METTL15: variants seen among roughly 807,000 people sequenced by gnomAD.
The protein encoded by METTL15 is methyltransferase 15, mitochondrial 12S rRNA N4-cytidine.
In METTL15, 34 loss-of-function variants were observed where a neutral mutation model predicts 38.3. The observed-to-expected ratio is 0.89, with a 90% CI of 0.68 to 1.18. The LOEUF (loss-of-function observed/expected upper bound fraction) is 1.18, where lower values mean the gene tolerates loss of function less well. Ranked by LOEUF, METTL15 falls within the 50% of genes most tolerant of loss-of-function variation. METTL15 has a pLI of 0.00. For missense variants in METTL15, 438 were observed against 498.4 expected (o/e 0.88, Z 1.15); for synonymous variants, 162 against 170.9 (o/e 0.95, Z 0.41).
chr11:28,466,516 G>A (rs1447267554), intron 6 of METTL15, among the ~76,000 whole-genome samples: 1 of 152,180 alleles, frequency 6.6e-6, no homozygotes, highest in Non-Finnish European at 1.5e-5. Flanking sequence ...CACAAGATGT[G>A]TGGGAAGTGT....
chr11:28,416,891 T>C (rs778742145), intron 5 of METTL15, among the ~76,000 whole-genome samples: 2 of 152,196 alleles, frequency 1.3e-5, no homozygotes, highest in Non-Finnish European at 2.9e-5. Flanking sequence ...GGAAGACAAA[T>C]TAGATGTAGA....
chr11:28,113,225 GT>G (rs1851789102), intron 2 of METTL15, 92 bp from the exon 3 acceptor site: 1 of 822,354 alleles, frequency 1.2e-6, no homozygotes, highest in Non-Finnish European at 1.9e-6. Context: ...TTTTTTTGAT[GT>G]GCTAAATATT....
At chr11:28,474,021 T>C (rs1030630301) in intron 6 of METTL15, among the ~76,000 whole-genome samples, 1 of 152,038 alleles carries the variant, frequency 6.6e-6, no homozygotes, top group African/African-American at 2.4e-5. Context: ...ATGTCAGTTG[T>C]TTCCCTATCT....
intron 4 of METTL15, among the ~76,000 whole-genome samples, chr11:28,268,196 CAAAAAAAAAA>C (rs71050954): frequency 9.3e-5 from 6 of 64,174 alleles, no homozygotes; most frequent in African/African-American, 3.6e-4. Flanking sequence ...GACTCCGTCT[CAAAAAAAAAA>C]AAAAAAAAAA....
At chr11:28,176,332 T>A (rs1398047669) in intron 3 of METTL15, among the ~76,000 whole-genome samples, 1 of 152,122 alleles carries the variant, frequency 6.6e-6, no homozygotes, top group Non-Finnish European at 1.5e-5. Context: ...ATTTGTATTT[T>A]GTCATATTTA....
At chr11:28,443,458 C>T (rs1564932899) in intron 6 of METTL15, among the ~76,000 whole-genome samples, 1 of 152,102 alleles carries the variant, frequency 6.6e-6, no homozygotes, top group Admixed American at 6.6e-5. Flanking sequence ...AGTGCCATCT[C>T]CAAGTAGACA....
chr11:28,243,342 A>G (rs1854380707), intron 4 of METTL15, among the ~76,000 whole-genome samples: 2 of 152,200 alleles, frequency 1.3e-5, no homozygotes, highest in South Asian at 4.1e-4. Context: ...TAGCAATAGA[A>G]GTTCATGCAG....
intron 6 of METTL15, among the ~76,000 whole-genome samples, chr11:28,444,048 A>C (rs755054686): frequency 1.3e-5 from 2 of 152,186 alleles, no homozygotes; most frequent in Non-Finnish European, 2.9e-5. Flanking sequence ...ATAATTTTCA[A>C]TGGCTCAATT....
At chr11:28,202,076 A>G (rs1276814163) in intron 3 of METTL15, among the ~76,000 whole-genome samples, 1 of 152,162 alleles carries the variant, frequency 6.6e-6, no homozygotes. Context: ...CAGATGTGAC[A>G]TGCTAAAGTT....
intron 5 of METTL15, among the ~76,000 whole-genome samples, chr11:28,409,006 A>C (rs1850700585): frequency 6.6e-6 from 1 of 152,196 alleles, no homozygotes; most frequent in Admixed American, 6.5e-5. Context: ...ACAGCAGCAG[A>C]ATATACGTTC....
chr11:28,163,940 G>A (rs1850563115), intron 3 of METTL15: 1 of 151,940 alleles, frequency 6.6e-6, no homozygotes, highest in Admixed American at 6.6e-5. Context: ...GTTTTTTAAA[G>A]AGCCAAGCCA....
intron 4 of METTL15, among the ~76,000 whole-genome samples, chr11:28,355,729 G>A (rs534176222): frequency 7.6e-4 from 116 of 152,212 alleles, no homozygotes; most frequent in African/African-American, 2.6e-3. Flanking sequence ...AGGGACTTTA[G>A]CATTGTTGGA....
intron 4 of METTL15, among the ~76,000 whole-genome samples, chr11:28,269,386 A>C (rs1287800014): frequency 2.0e-5 from 3 of 152,024 alleles, no homozygotes; most frequent in Non-Finnish European, 4.4e-5. Flanking sequence ...TAAAATGTGT[A>C]ATATATTTAA....
In METTL15 at chr11:28,290,350, T is replaced by G. The variant is rs974570931; in HGVS notation, c.552T>G (p.Phe184Leu). The G allele has an allele frequency of 1.2e-6, 2 of 1,613,414 alleles. No individual in the cohort carries two copies. Among genetic ancestry groups the G allele is most frequent in the Non-Finnish European group, 1.7e-6 (2 of 1,179,572 alleles). ...SMQLDTPERG[F>L]SLRKDGPLDM... The stretch of plus-strand genomic sequence containing the variant: ...AACTTGATACTCCTGAAAGAGGTTT[T>G]TCCCTTCGGAAAGATGGCCCTTTGG... The change falls in exon 5 of 7, where the codon TTT becomes TTG. Residue 184 changes from phenylalanine (F) to leucine (L), a missense_variant. Phe to Leu is a conservative substitution (Grantham distance 22). Coordinates refer to ENST00000407364, the MANE Select transcript of METTL15 (RefSeq NM_001113528.2).
chr11:28,169,115 A>G (rs1466326409), intron 3 of METTL15, among the ~76,000 whole-genome samples: 1 of 152,222 alleles, frequency 6.6e-6, no homozygotes, highest in African/African-American at 2.4e-5. Flanking sequence ...GAGAAAACTG[A>G]TTAAAATGTA....
chr11:28,491,308 AT>A (rs1851492725), intron 6 of METTL15, among the ~76,000 whole-genome samples: 1 of 152,162 alleles, frequency 6.6e-6, no homozygotes, highest in Non-Finnish European at 1.5e-5. Flanking sequence ...TTGAATGGCC[AT>A]TTCATTCTTG....
intron 5 of METTL15, among the ~76,000 whole-genome samples, chr11:28,368,946 G>C (rs1331901425): frequency 1.3e-5 from 2 of 151,926 alleles, no homozygotes; most frequent in Non-Finnish European, 2.9e-5. Flanking sequence ...AGTGGGAGTT[G>C]AGCAATGAGA....
chr11:28,327,932 ATGTTG>A (rs1351654711), intron 6 of METTL15: 6 of 348,964 alleles, frequency 1.7e-5, no homozygotes, highest in Non-Finnish European at 3.1e-5. Flanking sequence ...TTAAGCAGTT[ATGTTG>A]AACCATCATT....
chr11:28,243,352 G>A (rs1204702252), intron 4 of METTL15, among the ~76,000 whole-genome samples: 1 of 152,150 alleles, frequency 6.6e-6, no homozygotes, highest in Non-Finnish European at 1.5e-5. Context: ...AGTTCATGCA[G>A]TGTAATATTT....
Sources: allele counts gnomAD v4.1 joint callset (sites outside exome capture counted in the v4.1 genomes callset), GRCh38; gene constraint gnomAD v4.1.1; transcripts MANE v1.5; gene names NCBI Gene and HGNC (gene_info 2026-07-23, HGNC 2026-07-21).